Variants in GPC5 observed in about 807,000 individuals in gnomAD.
GPC5 encodes the protein glypican 5.
Under a neutral mutation model 53.9 loss-of-function variants are expected in GPC5, and 47 were observed. The observed-to-expected ratio is 0.87, with a 90% CI of 0.69 to 1.11. The LOEUF (loss-of-function observed/expected upper bound fraction) is 1.11. GPC5 is among the 50% of genes most tolerant of loss of function. GPC5 has a pLI of 0.00. For synonymous variants in GPC5, 286 were observed against 263.3 expected (o/e 1.09, Z -0.84); for missense variants, 748 against 713.1 (o/e 1.05, Z -0.56).
intron 7 of GPC5, among the ~76,000 whole-genome samples, chr13:92,855,621 GA>G (rs77365229): frequency 1.1e-3 from 144 of 136,004 alleles, no homozygotes; most frequent in South Asian, 4.0e-3. Flanking sequence ...TTTTAGAATT[GA>G]AAAAAAAAAA....
At chr13:92,060,249 T>C (rs2041111903) in intron 6 of GPC5, among the ~76,000 whole-genome samples, 1 of 152,052 alleles carries the variant, frequency 6.6e-6, no homozygotes, top group South Asian at 2.1e-4. Flanking sequence ...ACATGAATTA[T>C]TGATTAAAAT....
intron 2 of GPC5, among the ~76,000 whole-genome samples, chr13:91,676,012 A>C (rs1272397086): frequency 1.3e-5 from 2 of 152,212 alleles, no homozygotes; most frequent in Non-Finnish European, 2.9e-5. Flanking sequence ...CTTGATGTGA[A>C]TCAGGAGCCT....
intron 7 of GPC5, among the ~76,000 whole-genome samples, chr13:92,527,171 AGAGAAAGAAAG>A: frequency 2.1e-5 from 2 of 96,954 alleles, no homozygotes; most frequent in Middle Eastern, 5.1e-3. Flanking sequence ...AAAGAAAGAA[AGAGAAAGAAAG>A]AAGAAAGAAA....
At chr13:92,711,147 C>T (rs991735968) in intron 7 of GPC5, among the ~76,000 whole-genome samples, 2 of 152,030 alleles carry the variant, frequency 1.3e-5, no homozygotes, top group Non-Finnish European at 1.5e-5. Flanking sequence ...AATGCTCTGA[C>T]ATAAAAAAGA....
chr13:92,685,543 C>CATTTTTTTTTTTTTAA (rs1555302888), intron 7 of GPC5, among the ~76,000 whole-genome samples: 6 of 65,032 alleles, frequency 9.2e-5, no homozygotes, highest in African/African-American at 3.6e-4. Flanking sequence ...AAATTATGCT[C>CATTTTTTTTTTTTTAA]ATTTTTTTTT....
chr13:92,260,415 C>T (rs1245873367), intron 7 of GPC5, among the ~76,000 whole-genome samples: 1 of 152,154 alleles, frequency 6.6e-6, no homozygotes, highest in Non-Finnish European at 1.5e-5. Context: ...TTGAATACCC[C>T]GTTGGAATAT....
At chr13:91,572,150 CGT>C (rs1555326066) in intron 2 of GPC5, among the ~76,000 whole-genome samples, 1 of 128,324 alleles carries the variant, frequency 7.8e-6, no homozygotes, top group Non-Finnish European at 1.6e-5. Context: ...TGTATATATA[CGT>C]GTGTATACAC....
intron 7 of GPC5, among the ~76,000 whole-genome samples, chr13:92,848,687 TAAG>T (rs1878689870): frequency 6.6e-6 from 1 of 151,804 alleles, no homozygotes; most frequent in Non-Finnish European, 1.5e-5. Flanking sequence ...GTGATGAAAA[TAAG>T]AAGGAAACAC....
At chr13:91,775,789 C>T (rs2037701885) in intron 5 of GPC5, among the ~76,000 whole-genome samples, 1 of 152,112 alleles carries the variant, frequency 6.6e-6, no homozygotes, top group African/African-American at 2.4e-5. Context: ...GTTTCTTTTA[C>T]TAGATTACTC....
At chr13:91,925,063 C>T (rs1594667331) in intron 6 of GPC5, among the ~76,000 whole-genome samples, 1 of 152,188 alleles carries the variant, frequency 6.6e-6, no homozygotes, top group Middle Eastern at 3.4e-3. Context: ...TCGTGATCCG[C>T]CCGCCTCGGC....
At chr13:92,779,690 G>C (rs1875950044) in intron 7 of GPC5, among the ~76,000 whole-genome samples, 1 of 151,914 alleles carries the variant, frequency 6.6e-6, no homozygotes, top group Admixed American at 6.6e-5. Flanking sequence ...CCAAGTATAT[G>C]GATGACAGCT....
At chr13:91,567,641 C>A (rs2031594241) in intron 2 of GPC5, among the ~76,000 whole-genome samples, 1 of 152,106 alleles carries the variant, frequency 6.6e-6, no homozygotes, top group African/African-American at 2.4e-5. Context: ...TAGGATACTG[C>A]CAGCTGAGGG....
intron 2 of GPC5, among the ~76,000 whole-genome samples, chr13:91,647,599 C>CT (rs1366419118): frequency 6.6e-6 from 1 of 152,148 alleles, no homozygotes; most frequent in Non-Finnish European, 1.5e-5. Context: ...TGGCCTGTTC[C>CT]TAGGAAAAAC....
chr13:92,303,982 T>C (rs1199613367), intron 7 of GPC5, among the ~76,000 whole-genome samples: 1 of 152,128 alleles, frequency 6.6e-6, no homozygotes, highest in Non-Finnish European at 1.5e-5. Context: ...TAAGGTAGCA[T>C]CTATAACTGA....
intron 7 of GPC5, among the ~76,000 whole-genome samples, chr13:92,715,505 C>T (rs1270887808): frequency 6.6e-6 from 1 of 152,114 alleles, no homozygotes; most frequent in Non-Finnish European, 1.5e-5. Context: ...ACTCTAGTCT[C>T]CTGACAGCAA....
At chr13:92,813,005 A>AT (rs1300585871) in intron 7 of GPC5, among the ~76,000 whole-genome samples, 9 of 152,074 alleles carry the variant, frequency 5.9e-5, no homozygotes, top group African/African-American at 1.9e-4. Context: ...AATGAAGTGT[A>AT]TTTTTTATCA....
At chr13:92,352,509 T>C (rs890931068) in intron 7 of GPC5, among the ~76,000 whole-genome samples, 1 of 152,074 alleles carries the variant, frequency 6.6e-6, no homozygotes, top group Admixed American at 6.6e-5. Context: ...TAAAAATGAA[T>C]AAGGAAATGC....
intron 4 of GPC5, among the ~76,000 whole-genome samples, chr13:91,754,442 G>T (rs1389994097): frequency 2.0e-5 from 3 of 152,028 alleles, no homozygotes; most frequent in African/African-American, 7.2e-5. Flanking sequence ...AGGATCTATT[G>T]ATTTTGAAGG....
intron 7 of GPC5, among the ~76,000 whole-genome samples, chr13:92,584,703 G>C (rs1883480422): frequency 6.6e-6 from 1 of 152,226 alleles, no homozygotes; most frequent in South Asian, 2.1e-4. Flanking sequence ...GGTCTTCATG[G>C]CAGCCCTTTC....
Sources: allele counts gnomAD v4.1 joint callset (sites outside exome capture counted in the v4.1 genomes callset), GRCh38; gene constraint gnomAD v4.1.1; transcripts MANE v1.5; gene names NCBI Gene and HGNC (gene_info 2026-07-23, HGNC 2026-07-21).